Variants in XKR6 observed in about 807,000 individuals in gnomAD.
XKR6 encodes the protein XK-related protein 6.
In XKR6, 22 loss-of-function variants were observed where a neutral mutation model predicts 56.7. That is an observed-to-expected ratio of 0.39 (90% CI 0.28 to 0.55). XKR6 has a LOEUF of 0.55. Among genes scored for constraint, XKR6 ranks in the 20% least tolerant of loss-of-function variants. The pLI is 0.66. For synonymous variants in XKR6, 524 were observed against 387.8 expected (o/e 1.35, Z -4.13); for missense variants, 852 against 889.0 (o/e 0.96, Z 0.53).
At chr8:10,921,308 C>A (rs1450521363) in intron 2 of XKR6, among the ~76,000 whole-genome samples, 1 of 152,260 alleles carries the variant, frequency 6.6e-6, no homozygotes, top group African/African-American at 2.4e-5. Flanking sequence ...GGAGAGAAAT[C>A]TCCCTAGGAC....
intron 1 of XKR6, among the ~76,000 whole-genome samples, chr8:11,183,337 G>A (rs1158837367): frequency 1.3e-5 from 2 of 152,122 alleles, no homozygotes; most frequent in Non-Finnish European, 2.9e-5. Context: ...ATTGCACAAG[G>A]GTTCCAATTT....
In XKR6 at chr8:11,016,754, C is replaced by T. The variant is rs192023381; in HGVS notation, c.765-91924G>A. On this transcript the variant is annotated intron_variant, in intron 1 of 2. Transcript: ENST00000416569. ...GCCTGCGCTTGCTCCCCAACCCCTCCTTGCCCCGCTCTGAGCCGGCGCGTC... is the reference window on the plus strand; with the variant it reads ...GCCTGCGCTTGCTCCCCAACCCCTCTTTGCCCCGCTCTGAGCCGGCGCGTC... 4.1e-3 allele frequency among the ~76,000 whole-genome samples: 628 copies of T among 152,312 alleles called. 17 individuals carry two copies. Among genetic ancestry groups the T allele is most frequent in the Admixed American group, 0.032 (493 of 15,304 alleles).
intron 1 of XKR6, among the ~76,000 whole-genome samples, chr8:11,021,570 G>C (rs1798750091): frequency 1.3e-5 from 2 of 152,214 alleles, no homozygotes; most frequent in South Asian, 4.2e-4. Flanking sequence ...AACAGACCCA[G>C]CTCAGAGAGC....
intron 2 of XKR6, among the ~76,000 whole-genome samples, chr8:10,923,206 T>G (rs915764173): frequency 1.3e-5 from 2 of 152,264 alleles, no homozygotes; most frequent in African/African-American, 4.8e-5. Context: ...AACTGGTCCC[T>G]CAGCTCAGTG....
At chr8:10,914,186 G>A (rs1036817537) in intron 2 of XKR6, among the ~76,000 whole-genome samples, 1 of 152,020 alleles carries the variant, frequency 6.6e-6, no homozygotes, top group Non-Finnish European at 1.5e-5. Context: ...CCAGCCCACT[G>A]CCGTAATCAC....
chr8:11,047,831 T>C (rs1799447867), intron 1 of XKR6, among the ~76,000 whole-genome samples: 1 of 152,224 alleles, frequency 6.6e-6, no homozygotes, highest in African/African-American at 2.4e-5. Context: ...GAACATGCGA[T>C]TACTGAATCT....
At chr8:11,142,023 C>G (rs1215309389) in intron 1 of XKR6, among the ~76,000 whole-genome samples, 2 of 99,424 alleles carry the variant, frequency 2.0e-5, no homozygotes, top group Admixed American at 1.1e-4. Context: ...TACTACATTC[C>G]AAAAAAAAAA....
At position 10,911,208 on chromosome 8, in the gene XKR6, G is replaced by A. The variant is rs948077580; in HGVS notation, c.962-12292C>T. Among the ~76,000 whole-genome samples the A allele has an allele frequency of 1.9e-3, 273 of 141,454 alleles. 1 individual carries two copies. The highest frequency in any genetic ancestry group is 7.0e-3 in the African/African-American group (249 of 35,434). 92.8% of individuals were successfully genotyped at this position (141,454 alleles called of 152,430 possible). A position where few individuals can be genotyped will look rare whatever the true frequency, so the allele number is the denominator to read the frequency against. On this transcript the variant is annotated intron_variant, in intron 2 of 2. Coordinates refer to ENST00000416569, the MANE Select transcript of XKR6 (RefSeq NM_173683.4). Reference sequence around the variant, plus strand: ...ATAGAGAGAGGGTGTGCGTGTGTGTGTGTGTGTGTGTGTGTGTGTGTGTGT... The same window carrying A: ...ATAGAGAGAGGGTGTGCGTGTGTGTATGTGTGTGTGTGTGTGTGTGTGTGT...
At chr8:11,115,255 C>A (rs73545491) in intron 1 of XKR6, among the ~76,000 whole-genome samples, 1 of 152,146 alleles carries the variant, frequency 6.6e-6, no homozygotes. Context: ...TATTTTAATC[C>A]TGGAAATTAA....
chr8:11,096,687 C>A (rs1798272357), intron 1 of XKR6, among the ~76,000 whole-genome samples: 1 of 152,232 alleles, frequency 6.6e-6, no homozygotes, highest in Non-Finnish European at 1.5e-5. Context: ...CCACTTTGCC[C>A]CACATCCCAT....
chr8:11,194,919 AT>A, intron 1 of XKR6: 1 of 534,184 alleles, frequency 1.9e-6, no homozygotes, highest in Non-Finnish European at 3.3e-6. Context: ...CCCAGTTGCA[AT>A]TTCGCTCCAA....
intron 1 of XKR6, among the ~76,000 whole-genome samples, chr8:11,156,249 C>G (rs2116993510): frequency 6.6e-6 from 1 of 152,298 alleles, no homozygotes; most frequent in East Asian, 1.9e-4. Context: ...GTTTTTCTCC[C>G]TCTGTTCTGA....
chr8:11,034,361 G>A (rs945016114), intron 1 of XKR6, among the ~76,000 whole-genome samples: 1 of 152,148 alleles, frequency 6.6e-6, no homozygotes, highest in Admixed American at 6.5e-5. Flanking sequence ...GCCACAGGCC[G>A]AGAGAGCATC....
intron 1 of XKR6, chr8:11,175,321 C>G (rs745930689): frequency 6.5e-6 from 1 of 154,138 alleles, no homozygotes; most frequent in African/African-American, 2.4e-5. Flanking sequence ...GTGAAAGTCA[C>G]GCTGAACTTA....
chr8:11,147,388 A>G (rs1290898712), intron 1 of XKR6, among the ~76,000 whole-genome samples: 1 of 152,206 alleles, frequency 6.6e-6, no homozygotes, highest in African/African-American at 2.4e-5. Flanking sequence ...GATGGCGGCC[A>G]GGCGCGGTGG....
intron 1 of XKR6, among the ~76,000 whole-genome samples, chr8:11,038,270 C>T (rs923115738): frequency 3.3e-5 from 5 of 152,106 alleles, no homozygotes; most frequent in Non-Finnish European, 7.4e-5. Flanking sequence ...AAAAAAGTGT[C>T]TCTGCTTTTT....
chr8:11,181,012 G>C (rs1290854278), intron 1 of XKR6, among the ~76,000 whole-genome samples: 1 of 152,168 alleles, frequency 6.6e-6, no homozygotes, highest in South Asian at 2.1e-4. Flanking sequence ...GGACCCACAA[G>C]GCTTCATACT....
intron 1 of XKR6, among the ~76,000 whole-genome samples, chr8:11,019,750 C>T (rs931147215): frequency 9.2e-5 from 14 of 152,168 alleles, no homozygotes; most frequent in African/African-American, 3.4e-4. Context: ...GAGGCTAACA[C>T]GGTTAATTGG....
intron 1 of XKR6, among the ~76,000 whole-genome samples, chr8:10,960,714 C>T (rs1662361147): frequency 6.6e-6 from 1 of 152,284 alleles, no homozygotes; most frequent in African/African-American, 2.4e-5. Flanking sequence ...GGTCTGAGAC[C>T]AAGGCCAGCG....
Sources: allele counts gnomAD v4.1 joint callset (sites outside exome capture counted in the v4.1 genomes callset), GRCh38; gene constraint gnomAD v4.1.1; transcripts MANE v1.5; gene names NCBI Gene and HGNC (gene_info 2026-07-23, HGNC 2026-07-21).